AFF3: variants seen among roughly 807,000 people sequenced by gnomAD.
AFF3 encodes AF4/FMR2 family member 3.
In AFF3, 32 loss-of-function variants were observed where a neutral mutation model predicts 129.7. That is an observed-to-expected ratio of 0.25 (90% CI 0.19 to 0.33). AFF3 has a LOEUF of 0.33. Ranked by LOEUF, AFF3 falls within the 10% of genes least tolerant of loss-of-function variation. AFF3 has a pLI of 1.00. For synonymous variants in AFF3, 644 were observed against 635.4 expected (o/e 1.01, Z -0.20); for missense variants, 1,373 against 1,592.0 (o/e 0.86, Z 2.34).
chr2:99,582,859 G>A lies in AFF3; in HGVS notation c.2732C>T (p.Ala911Val). ...RPNGNSLFTS[A>V]SSSKKPKADS... ...GGCCTTAGGCTTTTTGCTGGAAGAGGCTGAAGTAAACAAACTGTTGCCATT... is the reference window on the plus strand; with the variant it reads ...GGCCTTAGGCTTTTTGCTGGAAGAGACTGAAGTAAACAAACTGTTGCCATT... The change falls in exon 17 of 25, where the codon GCC (alanine) becomes GTC (valine). Residue 911 changes from alanine (A) to valine (V), a missense_variant. Ala to Val is a moderately conservative substitution (Grantham distance 64). This residue lies in a region of AFF3 where 466 missense variants were observed against 505.0 expected (regional missense o/e 0.92). Transcript: ENST00000672756. 6.2e-7 allele frequency: 1 copy of A among 1,614,200 alleles called. No homozygotes were observed. Among genetic ancestry groups the A allele is most frequent in the Non-Finnish European group, 8.5e-7 (1 of 1,180,042 alleles).
chr2:100,064,291 C>T (rs1687544904), intron 4 of AFF3, among the ~76,000 whole-genome samples: 1 of 152,126 alleles, frequency 6.6e-6, no homozygotes, highest in Admixed American at 6.5e-5. Flanking sequence ...TCCTCTACTC[C>T]TTTTCTCCCC....
intron 7 of AFF3, among the ~76,000 whole-genome samples, chr2:99,859,673 A>G (rs1051300416): frequency 3.7e-4 from 56 of 152,284 alleles, no homozygotes; most frequent in African/African-American, 1.3e-3. Context: ...TTTTCATCAC[A>G]TGAAAGGTCA....
chr2:99,558,755 T>A, intron 22 of AFF3, 120 bp downstream of exon 22: 3 of 897,552 alleles, frequency 3.3e-6, no homozygotes, highest in Non-Finnish European at 5.1e-6. Flanking sequence ...TGGGGTTACC[T>A]TGGGGACCAG....
intron 15 of AFF3, among the ~76,000 whole-genome samples, chr2:99,590,482 C>G (rs1056081533): frequency 6.6e-6 from 1 of 152,174 alleles, no homozygotes; most frequent in African/African-American, 2.4e-5. Context: ...GTGATGCACA[C>G]CACTATGGTC....
chr2:99,820,935 C>T (rs1395654575), intron 8 of AFF3, among the ~76,000 whole-genome samples: 9 of 143,856 alleles, frequency 6.3e-5, no homozygotes, highest in Middle Eastern at 3.8e-3. Context: ...TCCAGTGGCG[C>T]AATCTTGGCT....
chr2:99,742,519 T>C (rs1383198026), intron 10 of AFF3, among the ~76,000 whole-genome samples: 1 of 152,192 alleles, frequency 6.6e-6, no homozygotes, highest in Non-Finnish European at 1.5e-5. Context: ...GTGAATATTA[T>C]AGCATGCCAT....
At chr2:99,900,924 C>T (rs903592038) in intron 7 of AFF3, among the ~76,000 whole-genome samples, 5 of 152,206 alleles carry the variant, frequency 3.3e-5, no homozygotes, top group Admixed American at 2.0e-4. Flanking sequence ...GTGAACAATG[C>T]TACTCATTTT....
intron 12 of AFF3, among the ~76,000 whole-genome samples, chr2:99,665,989 T>C (rs1215881028): frequency 6.6e-6 from 1 of 152,108 alleles, no homozygotes; most frequent in African/African-American, 2.4e-5. Context: ...GGTAAAGAGA[T>C]GGGGTCATAA....
intron 11 of AFF3, among the ~76,000 whole-genome samples, chr2:99,676,407 G>A (rs1687609319): frequency 6.6e-6 from 1 of 152,122 alleles, no homozygotes; most frequent in South Asian, 2.1e-4. Flanking sequence ...GTCAGAGCAG[G>A]GACTCCAGCG....
intron 4 of AFF3, among the ~76,000 whole-genome samples, chr2:100,079,375 T>G (rs966714147): frequency 5.9e-5 from 9 of 152,206 alleles, no homozygotes; most frequent in African/African-American, 1.9e-4. Context: ...GAATCTAAAA[T>G]TAATTAATTA....
At chr2:99,823,930 T>C (rs1004520952) in intron 8 of AFF3, among the ~76,000 whole-genome samples, 7 of 151,990 alleles carry the variant, frequency 4.6e-5, no homozygotes, top group East Asian at 1.9e-4. Context: ...ATGGGAGCGA[T>C]AGACACCGGG....
chr2:100,081,807 T>C (rs1236560596), intron 4 of AFF3, among the ~76,000 whole-genome samples: 1 of 152,196 alleles, frequency 6.6e-6, no homozygotes, highest in East Asian at 1.9e-4. Context: ...TTAGACAGGA[T>C]AGTGTCCCCA....
intron 7 of AFF3, among the ~76,000 whole-genome samples, chr2:99,874,434 G>C (rs1416856443): frequency 6.6e-6 from 1 of 152,136 alleles, no homozygotes; most frequent in Non-Finnish European, 1.5e-5. Context: ...GGTTCAACGT[G>C]GTTTTCAAAA....
At chr2:99,599,800 T>G (rs1679642625) in intron 14 of AFF3, among the ~76,000 whole-genome samples, 1 of 152,238 alleles carries the variant, frequency 6.6e-6, no homozygotes, top group Non-Finnish European at 1.5e-5. Context: ...CCACAAAGTA[T>G]AGCATAAAGC....
chr2:99,686,633 C>T (rs1388986555), intron 11 of AFF3, among the ~76,000 whole-genome samples: 2 of 152,206 alleles, frequency 1.3e-5, no homozygotes, highest in African/African-American at 4.8e-5. Flanking sequence ...ATAAACAAAA[C>T]CCCAACAGCA....
intron 24 of AFF3, 62 bp downstream of exon 24, chr2:99,554,249 C>A: frequency 6.4e-7 from 1 of 1,569,660 alleles, no homozygotes; most frequent in Non-Finnish European, 8.8e-7. Context: ...GAGGCCGAGG[C>A]AGAAGAATCG....
At chr2:99,940,460 C>T (rs184797851) in intron 7 of AFF3, among the ~76,000 whole-genome samples, 1 of 152,252 alleles carries the variant, frequency 6.6e-6, no homozygotes, top group Non-Finnish European at 1.5e-5. Flanking sequence ...GACCTTGCTG[C>T]TAAAACAGGC....
chr2:99,789,260 C>T (rs1050656783), intron 8 of AFF3, among the ~76,000 whole-genome samples: 3 of 151,872 alleles, frequency 2.0e-5, no homozygotes, highest in Admixed American at 2.0e-4. Context: ...CACAGTGAGA[C>T]CTGTCTCTAC....
At position 99,584,285 on chromosome 2, in the gene AFF3, C is replaced by T. The variant is rs528137522; in HGVS notation, c.2592-1286G>A. ...GAGTTCGAGACCAGCCTGGCCAACA[C>T]GGTGAAACCCCCTCTCTGCTAAAAA... On this transcript the variant is annotated intron_variant, in intron 16 of 24. Transcript: ENST00000672756. Among the ~76,000 whole-genome samples, 20 of 151,892 alleles carry T rather than the reference C, an allele frequency of 1.3e-4. No individual in the cohort carries two copies. In the East Asian group the frequency reaches 1.4e-3, roughly 10 times the overall value.
Sources: gnomAD v4.1 joint callset for allele counts (sites outside exome capture counted in the v4.1 genomes callset) on GRCh38, gnomAD v4.1.1 for gene constraint, gnomAD v4.1.1 regional missense constraint, MANE v1.5 for transcripts, NCBI Gene and HGNC (gene_info 2026-07-23, HGNC 2026-07-21) for gene names.